Variants in PRELID2 observed in about 807,000 individuals in gnomAD.
The protein encoded by PRELID2 is PRELI domain containing 2, also known as PRELI domain-containing protein 2.
PRELID2 carries 25 observed loss-of-function variants against 28.4 expected under a neutral mutation model. The observed-to-expected ratio is 0.88, with a 90% confidence interval of 0.64 to 1.23. The LOEUF (loss-of-function observed/expected upper bound fraction) is 1.23. Ranked by LOEUF, PRELID2 falls within the 50% of genes most tolerant of loss-of-function variation. The pLI is 0.00. For missense variants in PRELID2, 201 were observed against 214.4 expected (o/e 0.94, Z 0.39); for synonymous variants, 76 against 71.6 (o/e 1.06, Z -0.31).
At chr5:145,653,590 G>C (rs1346205898) in intron 1 of PRELID2, among the ~76,000 whole-genome samples, 1 of 152,218 alleles carries the variant, frequency 6.6e-6, no homozygotes, top group Non-Finnish European at 1.5e-5. Context: ...TCAGGATTAA[G>C]AAACTCACTC....
At chr5:145,412,079 T>C in the PRELID2 span, among the ~76,000 whole-genome samples, 3 of 152,094 alleles carry the variant, frequency 2.0e-5, no homozygotes, top group Non-Finnish European at 2.9e-5. Flanking sequence ...TCCAGGACTA[T>C]GATGGGAGGG....
chr5:145,377,417 T>C, the PRELID2 span, among the ~76,000 whole-genome samples: 2 of 152,082 alleles, frequency 1.3e-5, no homozygotes, highest in Non-Finnish European at 2.9e-5. Flanking sequence ...CAGTGCTGAG[T>C]TCAGGTCCTG....
chr5:145,703,492 C>T (rs1348094331), intron 1 of PRELID2, among the ~76,000 whole-genome samples: 2 of 152,184 alleles, frequency 1.3e-5, no homozygotes, highest in Non-Finnish European at 2.9e-5. Context: ...CACATGCTAA[C>T]CCTAAATGCT....
chr5:145,283,029 C>T, the PRELID2 span, among the ~76,000 whole-genome samples: 1 of 152,106 alleles, frequency 6.6e-6, no homozygotes, highest in Non-Finnish European at 1.5e-5. Context: ...TTTCAAAAAG[C>T]TCTGGCTTTC....
chr5:145,428,976 G>T, the PRELID2 span, among the ~76,000 whole-genome samples: 2 of 152,064 alleles, frequency 1.3e-5, no homozygotes, highest in African/African-American at 4.8e-5. Flanking sequence ...AGTGCAAAGT[G>T]GGAATAGGAA....
At chr5:145,783,598 G>A (rs1434328574) in intron 5 of PRELID2, among the ~76,000 whole-genome samples, 1 of 152,120 alleles carries the variant, frequency 6.6e-6, no homozygotes, top group African/African-American at 2.4e-5. Context: ...ACTCAAGGGT[G>A]GGATTAAAAA....
chr5:145,762,017 A>T (rs1012745701), intron 6 of PRELID2, among the ~76,000 whole-genome samples: 7 of 152,258 alleles, frequency 4.6e-5, no homozygotes, highest in African/African-American at 1.7e-4. Flanking sequence ...GCAGCATTCG[A>T]TGCAACATCA....
At chr5:145,664,692 T>A (rs901496622) in intron 1 of PRELID2, among the ~76,000 whole-genome samples, 3 of 152,104 alleles carry the variant, frequency 2.0e-5, no homozygotes, top group Non-Finnish European at 4.4e-5. Context: ...TTTAACCCAA[T>A]GGGCTTCAAG....
chr5:145,267,791 C>T, the PRELID2 span, among the ~76,000 whole-genome samples: 11 of 152,256 alleles, frequency 7.2e-5, no homozygotes, highest in South Asian at 8.3e-4. Context: ...ACAAAGGTTG[C>T]TTTTTCTGCA....
chr5:145,545,766 C>T (rs1296858522), intron 1 of PRELID2, among the ~76,000 whole-genome samples: 3 of 152,248 alleles, frequency 2.0e-5, no homozygotes, highest in Non-Finnish European at 2.9e-5. Flanking sequence ...CTGGTTCTCA[C>T]GTCAAATGAG....
At chr5:145,582,975 G>C (rs1368689135) in intron 1 of PRELID2, among the ~76,000 whole-genome samples, 3 of 152,066 alleles carry the variant, frequency 2.0e-5, no homozygotes, top group Admixed American at 6.6e-5. Context: ...GCACCTAGCA[G>C]AGATGCAATT....
the PRELID2 span, among the ~76,000 whole-genome samples, chr5:145,444,056 A>G: frequency 6.6e-6 from 1 of 152,116 alleles, no homozygotes; most frequent in Non-Finnish European, 1.5e-5. Context: ...ACTGACGTCA[A>G]CATTCACAGC....
rs2149761872 is a variant in PRELID2 at position 145,760,246 on chromosome 5, TA to T, written c.*289del. The T allele has an allele frequency of 6.6e-6, 1 of 152,256 alleles. No homozygotes were observed. The highest frequency in any genetic ancestry group is 2.1e-4 in the South Asian group (1 of 4,828). 9.4% of individuals were successfully genotyped at this position (152,256 alleles called of 1,614,324 possible). ...ACCCTGAGGAAGGGCACACATATCT[TA>T]CATGGTTCTTTTTTCCTTTATTTGT... is the stretch of plus-strand genomic sequence containing the variant. On this transcript the variant is annotated 3_prime_UTR_variant, in exon 7 of 7. Transcript: ENST00000683046.
chr5:145,532,170 G>A (rs1429796874), intron 1 of PRELID2, among the ~76,000 whole-genome samples: 1 of 152,078 alleles, frequency 6.6e-6, no homozygotes, highest in Non-Finnish European at 1.5e-5. Context: ...TTTGAAGTGA[G>A]AAGGACAAGT....
At chr5:145,826,194 T>C (rs1755181011) in intron 1 of PRELID2, 1 of 984,892 alleles carries the variant, frequency 1.0e-6, no homozygotes, top group Admixed American at 6.2e-5. Context: ...TCTCAAAGCG[T>C]GGAAACCTAT....
chr5:145,766,797 C>T (rs1757788957), intron 5 of PRELID2, among the ~76,000 whole-genome samples: 1 of 152,118 alleles, frequency 6.6e-6, no homozygotes, highest in South Asian at 2.1e-4. Context: ...CCACAGAGGT[C>T]AGGGCACTGA....
the PRELID2 span, among the ~76,000 whole-genome samples, chr5:145,294,845 C>A: frequency 6.6e-6 from 1 of 152,080 alleles, no homozygotes; most frequent in Non-Finnish European, 1.5e-5. Flanking sequence ...GGGGATACCA[C>A]TAAACTATAC....
At chr5:145,811,082 CAAAAAAAAAAAAAAAAAA>C (rs56978118) in intron 4 of PRELID2, among the ~76,000 whole-genome samples, 723 of 26,762 alleles carry the variant, frequency 0.027, 24 homozygotes, top group African/African-American at 0.084. Context: ...TGGCAGCAGG[CAAAAAAAAAAAAAAAAAA>C]AAAAAAAAAA....
At chr5:145,582,580 A>C (rs1753116538) in intron 1 of PRELID2, among the ~76,000 whole-genome samples, 1 of 151,994 alleles carries the variant, frequency 6.6e-6, no homozygotes. Context: ...TTCCTCACCT[A>C]TAAAATGGTG....
Sources: allele counts gnomAD v4.1 joint callset (sites outside exome capture counted in the v4.1 genomes callset), GRCh38; gene constraint gnomAD v4.1.1; transcripts MANE v1.5; gene names NCBI Gene and HGNC (gene_info 2026-07-23, HGNC 2026-07-21).